HPF1: variants seen among roughly 807,000 people sequenced by gnomAD.
The protein encoded by HPF1 is histone PARylation factor 1.
Under a neutral mutation model 38.8 loss-of-function variants are expected in HPF1, and 35 were observed. The observed-to-expected ratio is 0.90, with a 90% CI of 0.69 to 1.19. The LOEUF (loss-of-function observed/expected upper bound fraction) is 1.19. Ranked by LOEUF, HPF1 falls within the 50% of genes most tolerant of loss-of-function variation. HPF1 has a pLI of 0.00. For synonymous variants in HPF1, 115 were observed against 139.2 expected (o/e 0.83, Z 1.22); for missense variants, 367 against 405.8 (o/e 0.90, Z 0.82).
At chr4:169,742,888 G>T (rs1372335090) in intron 4 of HPF1, among the ~76,000 whole-genome samples, 1 of 151,910 alleles carries the variant, frequency 6.6e-6, no homozygotes, top group East Asian at 2.0e-4. Context: ...ATCACTCAAG[G>T]TCAGGAGTTG....
chr4:169,737,780 G>T, intron 5 of HPF1, 33 bp from the exon 6 acceptor site: 1 of 1,416,280 alleles, frequency 7.1e-7, no homozygotes, highest in Non-Finnish European at 9.9e-7. Flanking sequence ...ATGTAATCAT[G>T]GTAAGCAGAC....
chr4:169,731,650 G>C, intron 7 of HPF1, 54 bp downstream of exon 7: 1 of 1,364,324 alleles, frequency 7.3e-7, no homozygotes, highest in Non-Finnish European at 9.8e-7. Flanking sequence ...GTATGTCGCG[G>C]GGAGAGGAGG....
intron 2 of HPF1, among the ~76,000 whole-genome samples, chr4:169,751,894 A>AC (rs1394654594): frequency 3.9e-5 from 6 of 152,158 alleles, no homozygotes; most frequent in African/African-American, 1.4e-4. Context: ...CATACTCTCC[A>AC]CCCCCATGAA....
chr4:169,747,418 T>C (rs778269584), intron 4 of HPF1, among the ~76,000 whole-genome samples: 88 of 152,274 alleles, frequency 5.8e-4, no homozygotes, highest in Non-Finnish European at 8.7e-4. Context: ...CTAGTGGTTG[T>C]AGTAGGGTGA....
rs762385457 is a variant in HPF1 at position 169,729,692 on chromosome 4, A to G, written c.927T>C (p.Ala309=). Residue 309 remains alanine, a synonymous_variant, in exon 8 of 8, where the codon GCT becomes GCC. Transcript: ENST00000393381. ...TATATGCAAGAGGTAAAAGCTGGCCAGCAACTTTATGAAAATACTGAAAAA... is the reference window on the plus strand; with the variant it reads ...TATATGCAAGAGGTAAAAGCTGGCCGGCAACTTTATGAAAATACTGAAAAA... ...CYGSHYFHKV[A]GQLLPLAYNL... 16 of 1,526,732 alleles carry G rather than the reference A, an allele frequency of 1.0e-5. No individual in the cohort carries two copies. The highest frequency in any genetic ancestry group is 4.5e-5 in the Admixed American group (2 of 44,798). 94.6% of individuals were successfully genotyped at this position (1,526,732 alleles called of 1,614,324 possible). A position where few individuals can be genotyped will look rare whatever the true frequency, so the allele number is the denominator to read the frequency against.
intron 2 of HPF1, among the ~76,000 whole-genome samples, chr4:169,751,339 G>T (rs1343043546): frequency 6.7e-6 from 1 of 149,854 alleles, no homozygotes; most frequent in Non-Finnish European, 1.5e-5. Context: ...GGAGGTGGAG[G>T]TTGCAGTGAA....
chr4:169,750,777 A>AAAGCATTATT, intron 2 of HPF1, 52 bp from the exon 3 acceptor site: 5 of 1,326,850 alleles, frequency 3.8e-6, no homozygotes, highest in Non-Finnish European at 5.2e-6. Flanking sequence ...GTAGGAAATA[A>AAAGCATTATT]TGCTTTTATT....
At chr4:169,742,563 C>T (rs745326661) in intron 4 of HPF1, among the ~76,000 whole-genome samples, 6 of 152,174 alleles carry the variant, frequency 3.9e-5, no homozygotes, top group Non-Finnish European at 5.9e-5. Context: ...GAGGCCAAGG[C>T]GGGCGGATCA....
chr4:169,730,156 C>A (rs1733811050), intron 7 of HPF1, among the ~76,000 whole-genome samples: 1 of 152,344 alleles, frequency 6.6e-6, no homozygotes, highest in Non-Finnish European at 1.5e-5. Flanking sequence ...CGTACCGCCT[C>A]CCAATCCCTG....
intron 1 of HPF1, among the ~76,000 whole-genome samples, chr4:169,754,352 G>A (rs1337826796): frequency 2.6e-5 from 4 of 152,132 alleles, no homozygotes; most frequent in East Asian, 1.9e-4. Context: ...TCCAGATAAA[G>A]AGGGAAGGTT....
At chr4:169,731,947 G>A in intron 6 of HPF1, 71 bp from the exon 7 acceptor site, 1 of 1,297,074 alleles carries the variant, frequency 7.7e-7, no homozygotes, top group East Asian at 2.5e-5. Context: ...AAAGTAAGAA[G>A]ATTATAAAGA....
At chr4:169,741,568 A>C (rs927988511) in intron 5 of HPF1, among the ~76,000 whole-genome samples, 6 of 152,232 alleles carry the variant, frequency 3.9e-5, no homozygotes, top group African/African-American at 1.4e-4. Context: ...ATAAGGAAAA[A>C]GAAAGGAGCA....
intron 4 of HPF1, among the ~76,000 whole-genome samples, chr4:169,746,726 G>A (rs1271955446): frequency 1.3e-5 from 2 of 151,876 alleles, no homozygotes; most frequent in Non-Finnish European, 2.9e-5. Context: ...TAAGGAGGTA[G>A]TACCTAAAAA....
intron 7 of HPF1, 129 bp downstream of exon 7, chr4:169,731,575 C>A: frequency 1.6e-6 from 1 of 622,206 alleles, no homozygotes; most frequent in South Asian, 4.6e-5. Context: ...GAAATACAAG[C>A]TGAATCCCTG....
intron 5 of HPF1, 46 bp from the exon 6 acceptor site, chr4:169,737,793 C>CAAAA: frequency 1.0e-6 from 1 of 963,244 alleles, no homozygotes; most frequent in Non-Finnish European, 1.5e-6. Context: ...AAGCAGACAT[C>CAAAA]AAAAAAAAAA....
chr4:169,735,948 A>C (rs1176658732), intron 6 of HPF1, among the ~76,000 whole-genome samples: 1 of 150,256 alleles, frequency 6.7e-6, no homozygotes, highest in Non-Finnish European at 1.5e-5. Context: ...AAAAAAAAAA[A>C]ACCAACAACA....
chr4:169,743,124 T>C (rs1733999392), intron 4 of HPF1, among the ~76,000 whole-genome samples: 2 of 151,966 alleles, frequency 1.3e-5, no homozygotes, highest in Non-Finnish European at 2.9e-5. Context: ...TGTCTTTTTT[T>C]CCGAGATGTT....
chr4:169,732,678 G>A (rs1227546142), intron 6 of HPF1, among the ~76,000 whole-genome samples: 2 of 152,284 alleles, frequency 1.3e-5, no homozygotes, highest in South Asian at 4.1e-4. Flanking sequence ...GCTGTACATG[G>A]AAAGTCTGCC....
At chr4:169,732,491 C>T (rs1193783044) in intron 6 of HPF1, among the ~76,000 whole-genome samples, 3 of 152,038 alleles carry the variant, frequency 2.0e-5, no homozygotes, top group Non-Finnish European at 4.4e-5. Flanking sequence ...CATGCATTTA[C>T]ATAAGCTTTA....
Sources: allele counts gnomAD v4.1 joint callset (sites outside exome capture counted in the v4.1 genomes callset), GRCh38; gene constraint gnomAD v4.1.1; transcripts MANE v1.5; gene names NCBI Gene and HGNC (gene_info 2026-07-23, HGNC 2026-07-21).